NCOR2: variants seen among roughly 807,000 people sequenced by gnomAD.
NCOR2 encodes CTG repeat protein 26.
NCOR2 carries 81 observed loss-of-function variants against 262.9 expected under a neutral mutation model. The ratio of observed to expected loss-of-function variants is 0.31; its 90% CI spans 0.26 to 0.37. The LOEUF (loss-of-function observed/expected upper bound fraction) is 0.37, where lower values mean the gene tolerates loss of function less well. NCOR2 is among the 10% of genes least tolerant of loss of function. The pLI, the probability that NCOR2 is intolerant of heterozygous loss-of-function variation, is 1.00. For missense variants in NCOR2, 3,385 were observed against 3,621.4 expected, an observed-to-expected ratio of 0.93 and a Z score of 1.68; for synonymous variants, 1,659 against 1,559.3, an observed-to-expected ratio of 1.06 and a Z score of -1.51.
At chr12:124,547,898 AT>A (rs1267573518) in intron 1 of NCOR2, among the ~76,000 whole-genome samples, 1 of 152,222 alleles carries the variant, frequency 6.6e-6, no homozygotes, top group Non-Finnish European at 1.5e-5. Context: ...CCAATCATAT[AT>A]TTTTATATGA....
chr12:124,408,197 A>G (rs560235523), intron 13 of NCOR2, among the ~76,000 whole-genome samples: 63 of 152,294 alleles, frequency 4.1e-4, no homozygotes, highest in African/African-American at 1.3e-3. Flanking sequence ...TACTAAAAAT[A>G]CAAACAATTA....
In NCOR2 at chr12:124,334,513, G is replaced by A. The variant is rs2035704469; in HGVS notation, c.6516C>T (p.Asp2172=). 4 of 1,445,020 alleles carry A rather than the reference G, an allele frequency of 2.8e-6. No homozygotes were observed. The South Asian group carries it at 6.0e-5, about 22-fold the overall frequency. The allele number at this position is 1,445,020 out of a possible 1,614,324, so 89.5% of individuals were successfully genotyped here. A position where few individuals can be genotyped will look rare whatever the true frequency, so the allele number is the denominator to read the frequency against. ...AGAGGTCACTGGGTGGGCGGCGGAG[G>A]TCCAGGACGGGGCAGCTGGCCCCAG... Residue 2172 remains aspartate, a synonymous_variant, in exon 41 of 47, where the codon GAC becomes GAT. Transcript: ENST00000405201.
At chr12:124,392,821 A>C (rs140869684) in intron 16 of NCOR2, among the ~76,000 whole-genome samples, 1 of 152,204 alleles carries the variant, frequency 6.6e-6, no homozygotes, top group African/African-American at 2.4e-5. Context: ...TGTGCACAGC[A>C]ATGGGTGGTT....
intron 31 of NCOR2, 34 bp from the exon 34 acceptor site, chr12:124,344,985 C>A: frequency 6.7e-7 from 1 of 1,487,468 alleles, no homozygotes. Context: ...CTAGCCCTGG[C>A]CACAGCCATA....
rs748397534 is a variant in NCOR2 at position 124,340,267 on chromosome 12, CG to C, written c.5488+26del. 2.1e-5 allele frequency: 34 copies of C among 1,607,102 alleles called. No homozygotes were observed. The East Asian group carries it at 4.0e-4, about 19-fold the overall frequency. On this transcript the variant is annotated intron_variant, in intron 36 of 46. Coordinates refer to ENST00000405201, the Ensembl canonical transcript of NCOR2. The stretch of plus-strand genomic sequence containing the variant: ...TTGCGGCCCACAAGGAGTCCCGGAG[CG>C]GGGGGTGGGGGCTCTGATGCCCTAC...
chr12:124,474,554 C>A (rs1011750642), intron 3 of NCOR2, among the ~76,000 whole-genome samples: 4 of 152,110 alleles, frequency 2.6e-5, no homozygotes, highest in Admixed American at 2.0e-4. Context: ...AAAAAACAAC[C>A]CAGGCCTCAC....
chr12:124,399,111 G>C (rs148549497), intron 15 of NCOR2, among the ~76,000 whole-genome samples: 1 of 152,236 alleles, frequency 6.6e-6, no homozygotes, highest in Non-Finnish European at 1.5e-5. Context: ...AGTGGCGGAA[G>C]GTTCCAGCAG....
chr12:124,379,321 C>A (rs532932706), intron 17 of NCOR2, among the ~76,000 whole-genome samples: 18 of 152,338 alleles, frequency 1.2e-4, no homozygotes, highest in African/African-American at 4.3e-4. Context: ...CCAGCTTAGG[C>A]ACCATCATCA....
At chr12:124,537,445 C>T (rs796636988), upstream of NCOR2, among the ~76,000 whole-genome samples, 2 of 152,222 alleles carry the variant, frequency 1.3e-5, no homozygotes, top group Admixed American at 1.3e-4. Flanking sequence ...AGTGCTCAAG[C>T]TCTGAAGCCA....
upstream of NCOR2, among the ~76,000 whole-genome samples, chr12:124,499,598 C>T (rs1240014090): frequency 6.6e-6 from 1 of 152,168 alleles, no homozygotes; most frequent in Non-Finnish European, 1.5e-5. Flanking sequence ...TGGGGGTGAG[C>T]CCCCGCCAGG....
In NCOR2 at chr12:124,490,579, A is replaced by G. The variant is rs528638927; in HGVS notation, c.106-4011T>C. Among the ~76,000 whole-genome samples, 39 of 152,214 alleles carry G rather than the reference A, an allele frequency of 2.6e-4. 1 individual carries two copies. In the South Asian group the frequency reaches 6.4e-3, roughly 25 times the overall value. On this transcript the variant is annotated intron_variant, in intron 1 of 46. Transcript: ENST00000405201. Reference sequence around the variant, plus strand: ...CAACAGCCTCTTAAGAGCCATCACCAAGCACCAGGAACTGAGCTGCAAGGG... The same window carrying G: ...CAACAGCCTCTTAAGAGCCATCACCGAGCACCAGGAACTGAGCTGCAAGGG...
At chr12:124,487,264 G>A (rs531939245) in intron 1 of NCOR2, among the ~76,000 whole-genome samples, 15 of 152,254 alleles carry the variant, frequency 9.9e-5, no homozygotes, top group Non-Finnish European at 2.1e-4. Flanking sequence ...AAGTGATGGC[G>A]ACAAACACCC....
intron 17 of NCOR2, 31 bp downstream of exon 19, chr12:124,385,714 G>C (rs2040757941): frequency 3.1e-6 from 5 of 1,609,298 alleles, no homozygotes; most frequent in Non-Finnish European, 4.2e-6. Flanking sequence ...CAGCTTCCCA[G>C]AGGCGCGGTG....
intron 13 of NCOR2, among the ~76,000 whole-genome samples, chr12:124,411,843 G>A (rs936229283): frequency 3.9e-5 from 6 of 152,286 alleles, no homozygotes; most frequent in Admixed American, 6.5e-5. Context: ...GCTCACGGCC[G>A]ATCTCAGGGG....
At chr12:124,338,567 C>T (rs1196410902) in intron 37 of NCOR2, among the ~76,000 whole-genome samples, 1 of 151,858 alleles carries the variant, frequency 6.6e-6, no homozygotes, top group Non-Finnish European at 1.5e-5. Flanking sequence ...CCCCACCCCC[C>T]TGGTGAAGCA....
At chr12:124,529,485 A>AT (rs1367639169) in intron 1 of NCOR2, among the ~76,000 whole-genome samples, 1 of 152,198 alleles carries the variant, frequency 6.6e-6, no homozygotes, top group African/African-American at 2.4e-5. Context: ...AAAAAAATAA[A>AT]AAATAAAAAA....
intron 13 of NCOR2, among the ~76,000 whole-genome samples, chr12:124,413,011 T>A (rs2042667757): frequency 6.6e-6 from 1 of 152,228 alleles, no homozygotes. Flanking sequence ...GAAGCCTCGC[T>A]GCCGGGGAAA....
intron 1 of NCOR2, among the ~76,000 whole-genome samples, chr12:124,547,017 T>C (rs545260754): frequency 6.6e-6 from 1 of 152,074 alleles, no homozygotes; most frequent in Admixed American, 6.6e-5. Flanking sequence ...TGAGATGGAG[T>C]CTCGCTCTGT....
At chr12:124,328,182 C>T (rs1488131180) in intron 44 of NCOR2, among the ~76,000 whole-genome samples, 7 of 94,016 alleles carry the variant, frequency 7.4e-5, no homozygotes, top group African/African-American at 8.2e-5. Flanking sequence ...ATGGTCCTCC[C>T]GCTGCCCCAC....
Sources: allele counts gnomAD v4.1 joint callset (sites outside exome capture counted in the v4.1 genomes callset), GRCh38; gene constraint gnomAD v4.1.1; transcripts MANE v1.5; gene names NCBI Gene and HGNC (gene_info 2026-07-23, HGNC 2026-07-21).